The following FAM184B variants were observed in gnomAD, a reference collection of about 807,000 sequenced individuals.
FAM184B encodes the protein protein FAM184B.
FAM184B carries 111 observed loss-of-function variants against 135.9 expected under a neutral mutation model. The ratio of observed to expected loss-of-function variants is 0.82; its 90% CI spans 0.70 to 0.96. FAM184B has a LOEUF of 0.96. Ranked by LOEUF, FAM184B falls within the 40% of genes least tolerant of loss-of-function variation. The pLI, the probability that FAM184B is intolerant of heterozygous loss-of-function variation, is 0.00. For synonymous variants in FAM184B, 552 were observed against 524.8 expected (o/e 1.05, Z -0.71); for missense variants, 1,375 against 1,323.9 (o/e 1.04, Z -0.60).
intron 1 of FAM184B, among the ~76,000 whole-genome samples, chr4:17,739,555 G>GTTTTTTTTTTTTTTTTTTTTTTTTT (rs397992408): frequency 3.2e-5 from 2 of 62,510 alleles, no homozygotes; most frequent in African/African-American, 6.2e-5. Flanking sequence ...CATACCAACT[G>GTTTTTTTTTTTTTTTTTTTTTTTTT]TTTTTTTTTT....
intron 1 of FAM184B, among the ~76,000 whole-genome samples, chr4:17,736,071 G>A (rs771476136): frequency 7.2e-5 from 11 of 152,176 alleles, no homozygotes; most frequent in Non-Finnish European, 1.6e-4. Context: ...AAGGTGGCAG[G>A]CACTGAGGCA....
intron 6 of FAM184B, among the ~76,000 whole-genome samples, chr4:17,692,096 C>T (rs368893978): frequency 6.6e-6 from 1 of 151,240 alleles, no homozygotes; most frequent in South Asian, 2.1e-4. Flanking sequence ...CATACATGTA[C>T]AGGCCACCTT....
intron 1 of FAM184B, among the ~76,000 whole-genome samples, chr4:17,741,676 GAGCAAGAC>G (rs1240738457): frequency 1.3e-5 from 2 of 152,084 alleles, no homozygotes; most frequent in Non-Finnish European, 2.9e-5. Flanking sequence ...CTGGGCAACA[GAGCAAGAC>G]TCCATCTCAA....
intron 1 of FAM184B, among the ~76,000 whole-genome samples, chr4:17,760,482 AC>A (rs1480739662): frequency 1.3e-4 from 20 of 151,662 alleles, no homozygotes; most frequent in Non-Finnish European, 2.9e-5. Flanking sequence ...AAAAAAAAAA[AC>A]AAAAACAAAC....
intron 1 of FAM184B, among the ~76,000 whole-genome samples, chr4:17,775,387 A>C (rs1303132859): frequency 6.6e-6 from 1 of 152,026 alleles, no homozygotes; most frequent in Admixed American, 6.6e-5. Context: ...GGGTTTCACC[A>C]TGTTAGCCAG....
intron 1 of FAM184B, among the ~76,000 whole-genome samples, chr4:17,735,126 A>G (rs189337931): frequency 0.03 from 4,522 of 151,906 alleles, 96 homozygotes; most frequent in South Asian, 0.046. Context: ...GTGGGAATTA[A>G]ACAATGAAAA....
intron 1 of FAM184B, among the ~76,000 whole-genome samples, chr4:17,754,033 AT>A (rs976765160): frequency 3.3e-5 from 5 of 152,194 alleles, no homozygotes; most frequent in Non-Finnish European, 7.3e-5. Context: ...ATATAAAAAA[AT>A]AAAGTAGAAT....
chr4:17,704,881 T>A (rs1717071212), intron 5 of FAM184B, 119 bp downstream of exon 5: 1 of 842,858 alleles, frequency 1.2e-6, no homozygotes, highest in Non-Finnish European at 1.9e-6. Context: ...AAGCTTACAT[T>A]TGTACAGAGC....
chr4:17,771,746 G>C (rs1004146362), intron 1 of FAM184B, among the ~76,000 whole-genome samples: 1 of 152,194 alleles, frequency 6.6e-6, no homozygotes, highest in Non-Finnish European at 1.5e-5. Context: ...TGGCCTCTCA[G>C]CCCAGGGAAG....
chr4:17,651,537 CAAAAAAAAAAAAAAA>C (rs751455835), intron 11 of FAM184B, among the ~76,000 whole-genome samples: 5 of 43,110 alleles, frequency 1.2e-4, no homozygotes, highest in African/African-American at 5.2e-4. Flanking sequence ...GACTCTGTCT[CAAAAAAAAAAAAAAA>C]AAAAAAAAAA....
chr4:17,759,296 AGT>A (rs1402639309), intron 1 of FAM184B, among the ~76,000 whole-genome samples: 1 of 152,134 alleles, frequency 6.6e-6, no homozygotes, highest in Non-Finnish European at 1.5e-5. Flanking sequence ...GATGTTTAAA[AGT>A]GTGTAGCCCC....
chr4:17,641,893 CTG>C (rs1715328263), intron 13 of FAM184B, among the ~76,000 whole-genome samples, 161 bp downstream of exon 13: 1 of 151,578 alleles, frequency 6.6e-6, no homozygotes, highest in South Asian at 2.1e-4. Context: ...GGAGTAACAT[CTG>C]TGAAATGCTG....
chr4:17,731,324 A>G (rs1165269942), intron 1 of FAM184B, among the ~76,000 whole-genome samples: 2 of 152,228 alleles, frequency 1.3e-5, no homozygotes, highest in Non-Finnish European at 2.9e-5. Context: ...TAAACACATA[A>G]CAATATTAAC....
chr4:17,773,504 G>A (rs1321239418), intron 1 of FAM184B, among the ~76,000 whole-genome samples: 2 of 152,186 alleles, frequency 1.3e-5, no homozygotes, highest in Non-Finnish European at 2.9e-5. Context: ...CCAGATGAGA[G>A]GTAGTGCCCT....
chr4:17,650,449 GC>G (rs1467412233), intron 11 of FAM184B, among the ~76,000 whole-genome samples: 1 of 152,184 alleles, frequency 6.6e-6, no homozygotes, highest in African/African-American at 2.4e-5. Context: ...GTGCTGAGAA[GC>G]CCAGCCTTTC....
At chr4:17,733,848 C>T (rs1341330572) in intron 1 of FAM184B, among the ~76,000 whole-genome samples, 1 of 152,006 alleles carries the variant, frequency 6.6e-6, no homozygotes, top group Non-Finnish European at 1.5e-5. Flanking sequence ...CATATGGATC[C>T]AAAAAAGAGC....
At position 17,642,106 on chromosome 4, in the gene FAM184B, C is replaced by T. The variant is rs754884449; in HGVS notation, c.2469G>A (p.Ala823=). ...QLQDAVRRLR[A]EVEQHQQEAQ... Reference sequence around the variant, plus strand: ...CCTCCTGCTGATGCTGCTCCACCTCCGCGCGCAGCCGCCGCACCGCGTCCT... The same window carrying T: ...CCTCCTGCTGATGCTGCTCCACCTCTGCGCGCAGCCGCCGCACCGCGTCCT... Residue 823 remains alanine, a synonymous_variant, in exon 13 of 18, where the codon GCG becomes GCA. Coordinates refer to ENST00000265018, the MANE Select transcript of FAM184B (RefSeq NM_015688.2). 1.4e-5 allele frequency: 22 copies of T among 1,532,684 alleles called. No individual in the cohort carries two copies. The highest frequency in any genetic ancestry group is 1.9e-5 in the Non-Finnish European group (22 of 1,145,296). 94.9% of individuals were successfully genotyped at this position (1,532,684 alleles called of 1,614,324 possible).
chr4:17,725,843 G>C (rs1717626575), intron 1 of FAM184B, among the ~76,000 whole-genome samples: 1 of 152,160 alleles, frequency 6.6e-6, no homozygotes, highest in African/African-American at 2.4e-5. Context: ...TTCTTGTCCA[G>C]TGAAAATCTG....
intron 1 of FAM184B, among the ~76,000 whole-genome samples, chr4:17,711,282 C>T (rs1168046807): frequency 6.6e-6 from 1 of 151,406 alleles, no homozygotes; most frequent in East Asian, 1.9e-4. Flanking sequence ...AGTTCGAGAC[C>T]AGGCTGGCCA....
Sources: allele counts gnomAD v4.1 joint callset (sites outside exome capture counted in the v4.1 genomes callset), GRCh38; gene constraint gnomAD v4.1.1; transcripts MANE v1.5; gene names NCBI Gene and HGNC (gene_info 2026-07-23, HGNC 2026-07-21).